Variants in DNAJB4 observed in about 807,000 individuals in gnomAD.
The protein encoded by DNAJB4 is dnaJ homolog subfamily B member 4.
DNAJB4 carries 10 observed loss-of-function variants against 26.6 expected under a neutral mutation model. The ratio of observed to expected loss-of-function variants is 0.38; its 90% confidence interval spans 0.23 to 0.64. DNAJB4 has a LOEUF of 0.64. Ranked by LOEUF, DNAJB4 falls within the 30% of genes least tolerant of loss-of-function variation. DNAJB4 has a pLI of 0.58. For synonymous variants in DNAJB4, 136 were observed against 134.8 expected, an observed-to-expected ratio of 1.01 and a Z score of -0.06; for missense variants, 328 against 408.2, an observed-to-expected ratio of 0.80 and a Z score of 1.69.
intron 1 of DNAJB4, among the ~76,000 whole-genome samples, chr1:77,984,006 ATAAT>A (rs1659733590): frequency 6.6e-6 from 1 of 152,336 alleles, no homozygotes; most frequent in South Asian, 2.1e-4. Context: ...AACTGTTAAA[ATAAT>A]TAAATGGGAA....
intron 1 of DNAJB4, among the ~76,000 whole-genome samples, chr1:78,009,678 A>G (rs777376862): frequency 6.6e-6 from 1 of 152,212 alleles, no homozygotes; most frequent in Non-Finnish European, 1.5e-5. Context: ...ATAATAATGT[A>G]TATTAAAGTG....
chr1:78,004,326 C>A (rs1371557665), upstream of DNAJB4: 3 of 152,144 alleles, frequency 2.0e-5, no homozygotes, highest in Non-Finnish European at 2.9e-5. Flanking sequence ...AACTAGTTAG[C>A]TAAAATCATG....
At chr1:77,986,307 A>C (rs1036627443) in intron 1 of DNAJB4, among the ~76,000 whole-genome samples, 4 of 152,154 alleles carry the variant, frequency 2.6e-5, no homozygotes, top group African/African-American at 7.2e-5. Flanking sequence ...AACTACTCGA[A>C]ATGCAATTTC....
chr1:77,997,259 CTTGAGCCCAGGAGT>C (rs1430610900), intron 1 of DNAJB4, among the ~76,000 whole-genome samples: 2 of 144,912 alleles, frequency 1.4e-5, no homozygotes, highest in South Asian at 2.1e-4. Flanking sequence ...GGGAGGATTG[CTTGAGCCCAGGAGT>C]TTGAGACCAG....
At chr1:77,985,051 T>G (rs940255966) in intron 1 of DNAJB4, among the ~76,000 whole-genome samples, 3 of 152,196 alleles carry the variant, frequency 2.0e-5, no homozygotes, top group Non-Finnish European at 4.4e-5. Context: ...GTTTTCTGCT[T>G]CTTAGGTACA....
intron 1 of DNAJB4, among the ~76,000 whole-genome samples, chr1:77,984,213 A>T (rs1054680104): frequency 2.0e-5 from 3 of 152,194 alleles, no homozygotes; most frequent in Admixed American, 6.5e-5. Flanking sequence ...TTCTGCATTC[A>T]TCCTGTGAAA....
chr1:78,016,267 C>T lies in DNAJB4; in HGVS notation c.*20C>T. The T allele has an allele frequency of 6.3e-7, 1 of 1,594,962 alleles. No homozygotes were observed. The highest frequency in any genetic ancestry group is 2.2e-5 in the East Asian group (1 of 44,766). ...TCATAGAATGAAGAACTTTGTTACA[C>T]ATATTTTGATAAGGCACTGAAAATA... On this transcript the variant is annotated 3_prime_UTR_variant, in exon 3 of 3. Transcript: ENST00000370763.
At chr1:78,005,354 C>T (rs1486267044) in intron 1 of DNAJB4, 33 bp downstream of exon 1, 1 of 1,470,228 alleles carries the variant, frequency 6.8e-7, no homozygotes, top group South Asian at 1.3e-5. Context: ...TCTGTCTCTT[C>T]AGCTCTGTCT....
intron 1 of DNAJB4, among the ~76,000 whole-genome samples, chr1:77,993,909 T>C (rs926803253): frequency 1.3e-5 from 2 of 152,222 alleles, no homozygotes; most frequent in Admixed American, 1.3e-4. Flanking sequence ...TGGCTGAATT[T>C]TATAGTAGTT....
intron 1 of DNAJB4, among the ~76,000 whole-genome samples, chr1:78,007,768 G>T (rs1028403439): frequency 2.6e-5 from 4 of 151,914 alleles, no homozygotes; most frequent in African/African-American, 9.7e-5. Context: ...TTTTCTCTTT[G>T]CCTTTTATTT....
intron 1 of DNAJB4, among the ~76,000 whole-genome samples, chr1:78,007,567 C>A (rs563917259): frequency 2.6e-5 from 4 of 151,760 alleles, no homozygotes; most frequent in African/African-American, 9.7e-5. Flanking sequence ...GGCGACAGAG[C>A]GAGACCTCAT....
chr1:77,989,276 G>T (rs1418554856), intron 1 of DNAJB4, among the ~76,000 whole-genome samples: 1 of 152,124 alleles, frequency 6.6e-6, no homozygotes, highest in Non-Finnish European at 1.5e-5. Context: ...TCTTCTTTGA[G>T]ATGTCATTTA....
At chr1:77,991,242 C>T (rs1316120602) in intron 1 of DNAJB4, among the ~76,000 whole-genome samples, 3 of 152,102 alleles carry the variant, frequency 2.0e-5, no homozygotes, top group Non-Finnish European at 4.4e-5. Flanking sequence ...TTAATGTTAC[C>T]GTTGTTCAAA....
chr1:78,013,060 G>T lies in DNAJB4; in HGVS notation c.221G>T (p.Gly74Val). Residue 74 changes from glycine to valine, a missense_variant, in exon 2 of 3, where the codon GGA (glycine) becomes GTA (valine). Physicochemically the swap from Gly to Val is moderately radical, Grantham distance 109 (BLOSUM62 -3). Coordinates refer to ENST00000370763, the MANE Select transcript of DNAJB4 (RefSeq NM_007034.5). Reference sequence around the variant, plus strand: ...TTATCTCTTCAATTAGGGTTGAAAGGAGGAGCAGGAGGTACTGATGGACAA... The same window carrying T: ...TTATCTCTTCAATTAGGGTTGAAAGTAGGAGCAGGAGGTACTGATGGACAA... ...YDQFGEEGLK[G>V]GAGGTDGQGG... The T allele has an allele frequency of 6.3e-7, 1 of 1,596,928 alleles. No individual in the cohort carries two copies. Among genetic ancestry groups the T allele is most frequent in the Non-Finnish European group, 8.5e-7 (1 of 1,172,848 alleles).
At chr1:78,000,711 G>T (rs184866778), upstream of DNAJB4, among the ~76,000 whole-genome samples, 1 of 152,132 alleles carries the variant, frequency 6.6e-6, no homozygotes, top group Non-Finnish European at 1.5e-5. Context: ...ATGGCCAGGC[G>T]TGGTGGCTCA....
At chr1:78,007,518 T>G (rs963138186) in intron 1 of DNAJB4, among the ~76,000 whole-genome samples, 5 of 152,090 alleles carry the variant, frequency 3.3e-5, no homozygotes, top group African/African-American at 1.2e-4. Context: ...GAGGCAGAGG[T>G]TGCAGTGAGC....
chr1:77,983,371 A>G (rs565865663), intron 1 of DNAJB4, among the ~76,000 whole-genome samples: 6,737 of 152,230 alleles, frequency 0.044, 229 homozygotes, highest in African/African-American at 0.089. Context: ...CTCAACTGCA[A>G]GAGGCATGCC....
chr1:78,008,547 A>G (rs1660388061), intron 1 of DNAJB4, among the ~76,000 whole-genome samples: 1 of 152,222 alleles, frequency 6.6e-6, no homozygotes. Flanking sequence ...CAGTATATAG[A>G]AAAAGAAAGC....
intron 1 of DNAJB4, among the ~76,000 whole-genome samples, chr1:77,985,406 A>T (rs1347090309): frequency 6.6e-6 from 1 of 152,180 alleles, no homozygotes; most frequent in Non-Finnish European, 1.5e-5. Flanking sequence ...TTTAAAAAAA[A>T]TTTGAAGGGA....
Sources: allele counts gnomAD v4.1 joint callset (sites outside exome capture counted in the v4.1 genomes callset), GRCh38; gene constraint gnomAD v4.1.1; transcripts MANE v1.5; gene names NCBI Gene and HGNC (gene_info 2026-07-23, HGNC 2026-07-21).